Variants in MTMR10 observed in about 807,000 individuals in gnomAD.
MTMR10 encodes the protein myotubularin related protein 10, also known as myotubularin-related protein 10.
In MTMR10, 56 loss-of-function variants were observed where a neutral mutation model predicts 88.1. That is an observed-to-expected ratio of 0.64 (90% CI 0.51 to 0.79). The LOEUF is 0.79. Ranked by LOEUF, MTMR10 falls within the 30% of genes least tolerant of loss-of-function variation. MTMR10 has a pLI of 0.00. For missense variants in MTMR10, 883 were observed against 924.7 expected, an observed-to-expected ratio of 0.95 and a Z score of 0.58; for synonymous variants, 380 against 340.9, an observed-to-expected ratio of 1.11 and a Z score of -1.26.
At position 30,960,993 on chromosome 15, in the gene MTMR10, G is replaced by GGCT; in HGVS notation, c.643_645dup (p.Ser215dup). ...TAAGTTTCAAAGAGTGGAGTTTTCT[G>GGCT]GCTGCTGCCACCACCAGCTCCATTA... is the stretch of plus-strand genomic sequence containing the variant. On this transcript the variant is annotated inframe_insertion, in exon 7 of 16. Coordinates refer to ENST00000435680, the MANE Select transcript of MTMR10 (RefSeq NM_017762.3). 6.3e-7 allele frequency: 1 copy of GGCT among 1,588,528 alleles called. No individual in the cohort carries two copies. Among genetic ancestry groups the GGCT allele is most frequent in the Non-Finnish European group, 8.6e-7 (1 of 1,166,226 alleles).
chr15:30,989,945 A>G (rs1328283974), intron 2 of MTMR10, among the ~76,000 whole-genome samples: 1 of 152,194 alleles, frequency 6.6e-6, no homozygotes, highest in African/African-American at 2.4e-5. Context: ...TAATCGCATT[A>G]AACAACTGAC....
chr15:30,926,654 A>G, the MTMR10 span: 15 of 978,492 alleles, frequency 1.5e-5, no homozygotes, highest in Non-Finnish European at 3.6e-6. Flanking sequence ...CAGTGAAGAC[A>G]GAGAGATACA....
downstream of MTMR10, chr15:30,937,304 C>T (rs944980156): frequency 5.2e-6 from 8 of 1,550,064 alleles, no homozygotes; most frequent in Admixed American, 4.0e-5. Context: ...GTAAGATTTT[C>T]AAGAGTATAA....
At position 30,967,951 on chromosome 15, in the gene MTMR10, A is replaced by C; in HGVS notation, c.534T>G (p.Phe178Leu). The C allele has an allele frequency of 6.4e-7, 1 of 1,569,466 alleles. No homozygotes were observed. The highest frequency in any genetic ancestry group is 8.7e-7 in the Non-Finnish European group (1 of 1,155,898). The stretch of plus-strand genomic sequence containing the variant: ...TGTGGTATTTTTTCCCAACATATTC[A>C]AATGCAAAGAGTAGCTGGAGGTCTG... Reference protein sequence around the residue: ...QPTDLQLLFAFEYVGKKYHNS... With the variant: ...QPTDLQLLFALEYVGKKYHNS... The change falls in exon 6 of 16, where the codon TTT becomes TTG. Residue 178 changes from phenylalanine to leucine, a missense_variant. Phe to Leu is a conservative substitution (Grantham distance 22). Transcript: ENST00000435680.
intron 14 of MTMR10, among the ~76,000 whole-genome samples, chr15:30,945,630 C>A (rs895598675): frequency 6.6e-6 from 1 of 151,996 alleles, no homozygotes; most frequent in Non-Finnish European, 1.5e-5. Flanking sequence ...AAGCCTAGCT[C>A]GAGGCAGAGA....
rs2063184982 is a variant in MTMR10 at position 30,947,280 on chromosome 15, G to A, written c.1398C>T (p.Phe466=). 6.2e-7 allele frequency: 1 copy of A among 1,612,870 alleles called. No homozygotes were observed. Among genetic ancestry groups the A allele is most frequent in the Non-Finnish European group, 8.5e-7 (1 of 1,179,578 alleles). The change falls in exon 14 of 16, where the codon TTC becomes TTT. Residue 466 remains phenylalanine, a synonymous_variant. Coordinates refer to ENST00000435680, the MANE Select transcript of MTMR10 (RefSeq NM_017762.3). ...CTAACAGCTGCCAGGTGGCATCCAA[G>A]AATAGCAAAAATAAAGGAGACTGGC... ...SEKESPLFLL[F]LDATWQLLEQ... is the part of the protein sequence containing the mutation.
chr15:30,922,422 C>G, the MTMR10 span: 1 of 1,438,462 alleles, frequency 7.0e-7, no homozygotes. Context: ...ATATGGCAAA[C>G]TTAATGCCTT....
At chr15:30,990,127 G>A (rs550614896) in intron 2 of MTMR10, among the ~76,000 whole-genome samples, 115 of 152,074 alleles carry the variant, frequency 7.6e-4, no homozygotes, top group African/African-American at 2.7e-3. Flanking sequence ...TTGTCCCCCA[G>A]AGGTAGGGGA....
Position 30,942,879 on chromosome 15 carries a change from C to G in MTMR10, c.1731+11G>C. 6 of 1,552,670 alleles carry G rather than the reference C, an allele frequency of 3.9e-6. No homozygotes were observed. Among genetic ancestry groups the G allele is most frequent in the Non-Finnish European group, 4.4e-6 (5 of 1,146,938 alleles). On this transcript the variant is annotated intron_variant, in intron 15 of 15. Transcript: ENST00000435680. ...GTGAGCCAACATCACGTTTTGTTAG[C>G]TGTGATTTACCTTTGTCCGTTTAAA...
chr15:30,938,149 A>C (rs1472797093), downstream of MTMR10, among the ~76,000 whole-genome samples: 3 of 151,710 alleles, frequency 2.0e-5, no homozygotes, highest in Admixed American at 1.3e-4. Context: ...GCACCACTGC[A>C]CTCCAGCCTG....
At chr15:30,928,715 C>T in the MTMR10 span, 1 of 1,609,080 alleles carries the variant, frequency 6.2e-7, no homozygotes, top group Non-Finnish European at 8.5e-7. Flanking sequence ...TGGCTCACGC[C>T]CACCTGGGCA....
chr15:30,926,349 G>A, the MTMR10 span, among the ~76,000 whole-genome samples: 3 of 152,258 alleles, frequency 2.0e-5, no homozygotes, highest in East Asian at 5.8e-4. Flanking sequence ...CATGCTAGTC[G>A]CTTTCGGGAA....
In MTMR10 at chr15:30,977,011, T is replaced by C. The variant is rs187433473; in HGVS notation, c.122-56A>G. 6.0e-5 allele frequency: 92 copies of C among 1,537,434 alleles called. No individual in the cohort carries two copies. In the Admixed American group the frequency reaches 1.4e-3, roughly 24 times the overall value. Reference sequence around the variant, plus strand: ...CTTTGTCATAAAATACCAACGGTCTTTGTGGGACCTAGAAGGAGTGTTTCA... The same window carrying C: ...CTTTGTCATAAAATACCAACGGTCTCTGTGGGACCTAGAAGGAGTGTTTCA... On this transcript the variant is annotated intron_variant, in intron 2 of 15. Transcript: ENST00000435680.
Position 30,941,959 on chromosome 15 carries a change from A to C in MTMR10, c.1845T>G (p.Asp615Glu). 1.2e-6 allele frequency: 2 copies of C among 1,613,938 alleles called. No individual in the cohort carries two copies. The highest frequency in any genetic ancestry group is 1.7e-6 in the Non-Finnish European group (2 of 1,179,882). Residue 615 changes from aspartate to glutamate, a missense_variant, in exon 16 of 16, where the codon GAT becomes GAG. Coordinates refer to ENST00000435680, the MANE Select transcript of MTMR10 (RefSeq NM_017762.3). ...TCTGGCTGTCGGTTTGCTGAGCTGG[A>C]TCTGGCTTTGGTTTTAATATCAATG... ...RNSLILKPKP[D>E]PAQQTDSQNS...
Position 30,991,523 on chromosome 15 carries a change from C to T in MTMR10, c.-17G>A. 1 of 1,534,914 alleles carries T rather than the reference C, an allele frequency of 6.5e-7. No individual in the cohort carries two copies. Among genetic ancestry groups the T allele is most frequent in the Non-Finnish European group, 8.7e-7 (1 of 1,148,362 alleles). On this transcript the variant is annotated 5_prime_UTR_variant, in exon 1 of 16. Coordinates refer to ENST00000435680, the MANE Select transcript of MTMR10 (RefSeq NM_017762.3). ...GGAGAACATGGTGCCGCCGCCTTTTCGCCCCGTTCCCGTCGCGGGCCAGTG... is the reference window on the plus strand; with the variant it reads ...GGAGAACATGGTGCCGCCGCCTTTTTGCCCCGTTCCCGTCGCGGGCCAGTG...
At chr15:30,935,289 C>T (rs919229689), downstream of MTMR10, among the ~76,000 whole-genome samples, 6 of 151,268 alleles carry the variant, frequency 4.0e-5, no homozygotes, top group Non-Finnish European at 8.8e-5. Flanking sequence ...GCCTGGGCAA[C>T]AGAGTGAGAC....
chr15:30,971,663 T>C (rs1015973516), intron 5 of MTMR10, among the ~76,000 whole-genome samples: 2 of 151,932 alleles, frequency 1.3e-5, no homozygotes, highest in African/African-American at 2.4e-5. Context: ...TGTATCTATA[T>C]ATTTATCTTT....
intron 6 of MTMR10, among the ~76,000 whole-genome samples, chr15:30,964,724 C>T (rs974223010): frequency 3.9e-5 from 6 of 152,200 alleles, no homozygotes; most frequent in South Asian, 2.1e-4. Flanking sequence ...GACCTGGCTC[C>T]GCTGACCGCT....
At position 30,941,360 on chromosome 15, in the gene MTMR10, A is replaced by AT; in HGVS notation, c.*109dup. ...TTAAATATTAGTGCAAATTCCAACT[A>AT]TTATTCTTACATATAAAGTTATTAG... On this transcript the variant is annotated 3_prime_UTR_variant, in exon 16 of 16. Transcript: ENST00000435680. 1 of 1,537,766 alleles carries AT rather than the reference A, an allele frequency of 6.5e-7. No homozygotes were observed.
Sources: gnomAD v4.1 joint callset for allele counts (sites outside exome capture counted in the v4.1 genomes callset) on GRCh38, gnomAD v4.1.1 for gene constraint, MANE v1.5 for transcripts, NCBI Gene and HGNC (gene_info 2026-07-23, HGNC 2026-07-21) for gene names.